SV2C: variants seen among roughly 807,000 people sequenced by gnomAD.
SV2C encodes solute carrier family 22 member B3.
In SV2C, 49 loss-of-function variants were observed where a neutral mutation model predicts 79.7. The ratio of observed to expected loss-of-function variants is 0.61; its 90% CI spans 0.49 to 0.78. SV2C has a LOEUF of 0.78. Among genes scored for constraint, SV2C ranks in the 30% least tolerant of loss-of-function variants. The pLI is 0.00. For synonymous variants in SV2C, 334 were observed against 333.2 expected (o/e 1.00, Z -0.03); for missense variants, 833 against 912.9 (o/e 0.91, Z 1.13).
At chr5:75,880,795 C>T in the SV2C span, among the ~76,000 whole-genome samples, 2 of 152,116 alleles carry the variant, frequency 1.3e-5, no homozygotes, top group African/African-American at 2.4e-5. Flanking sequence ...TATATCAATG[C>T]CCCACTTCTC....
At chr5:75,956,580 G>T in the SV2C span, among the ~76,000 whole-genome samples, 1 of 151,914 alleles carries the variant, frequency 6.6e-6, no homozygotes, top group Non-Finnish European at 1.5e-5. Context: ...ATCATCTCTT[G>T]TAGATGGAGG....
At chr5:76,335,319 C>T (rs531010383), downstream of SV2C, among the ~76,000 whole-genome samples, 1 of 151,834 alleles carries the variant, frequency 6.6e-6, no homozygotes, top group African/African-American at 2.4e-5. Flanking sequence ...CCCAGCCCAT[C>T]GCTCTATATA....
intron 12 of SV2C, among the ~76,000 whole-genome samples, chr5:76,342,886 C>CTCT (rs1187784530): frequency 3.6e-5 from 5 of 138,844 alleles, no homozygotes; most frequent in African/African-American, 1.3e-4. Context: ...CTCTCTCTCT[C>CTCT]TTTTTTTTTT....
intron 4 of SV2C, chr5:76,241,903 A>C: frequency 1.5e-6 from 1 of 656,610 alleles, no homozygotes; most frequent in Non-Finnish European, 2.7e-6. Flanking sequence ...CTAACAACAT[A>C]GCTTTAAAAA....
Position 76,332,330 on chromosome 5 carries a change from G to A in SV2C, c.*6783G>A, listed in dbSNP as rs561827815. The A allele has an allele frequency of 2.0e-5, 3 of 152,306 alleles. No individual in the cohort carries two copies. Among genetic ancestry groups the A allele is most frequent in the African/African-American group, 7.2e-5 (3 of 41,554 alleles). 9.4% of individuals were successfully genotyped at this position (152,306 alleles called of 1,614,324 possible). A position where few individuals can be genotyped will look rare whatever the true frequency, so the allele number is the denominator to read the frequency against. ...CTTTGTGGTGCCTGGGGAGTGACTA[G>A]GCAGCCTGCTCACAGGGGCTGGAGT... On this transcript the variant is annotated 3_prime_UTR_variant, in exon 13 of 13. Coordinates refer to ENST00000502798, the MANE Select transcript of SV2C (RefSeq NM_014979.4).
At chr5:75,887,610 G>C in the SV2C span, among the ~76,000 whole-genome samples, 3 of 152,068 alleles carry the variant, frequency 2.0e-5, no homozygotes, top group African/African-American at 7.2e-5. Flanking sequence ...CAGTAGACTT[G>C]CTGCTTCTTG....
Position 76,298,946 on chromosome 5 carries a change from A to G in SV2C, c.1636+19A>G, listed in dbSNP as rs2112519957. 1.2e-6 allele frequency: 2 copies of G among 1,611,936 alleles called. No homozygotes were observed. The highest frequency in any genetic ancestry group is 4.5e-5 in the East Asian group (2 of 44,874). ...AACACAGGTAGGTGTGCTACTTAGTACTGCCTCTACCTGAGGCCTCTCCAA... is the reference window on the plus strand; with the variant it reads ...AACACAGGTAGGTGTGCTACTTAGTGCTGCCTCTACCTGAGGCCTCTCCAA... On this transcript the variant is annotated intron_variant, in intron 10 of 12. Transcript: ENST00000502798.
chr5:76,291,719 G>A, intron 7 of SV2C, 49 bp from the exon 8 acceptor site: 1 of 1,356,918 alleles, frequency 7.4e-7, no homozygotes, highest in South Asian at 1.2e-5. Flanking sequence ...CGGGGAGTGG[G>A]GTTGACTAAG....
chr5:76,282,072 T>C (rs958299656), intron 4 of SV2C, among the ~76,000 whole-genome samples: 6 of 152,186 alleles, frequency 3.9e-5, no homozygotes, highest in African/African-American at 1.4e-4. Context: ...CTTTGAAAAC[T>C]TACCTTCTGA....
At chr5:76,127,397 T>C (rs2112176042) in intron 1 of SV2C, among the ~76,000 whole-genome samples, 1 of 152,362 alleles carries the variant, frequency 6.6e-6, no homozygotes, top group Middle Eastern at 3.4e-3. Context: ...ATTTTACATA[T>C]TTGTGCAAAA....
intron 4 of SV2C, among the ~76,000 whole-genome samples, chr5:76,258,200 T>C (rs1746353625): frequency 6.6e-6 from 1 of 151,730 alleles, no homozygotes. Context: ...ACCACAAAGG[T>C]CAGAGCTTCC....
intron 4 of SV2C, among the ~76,000 whole-genome samples, chr5:76,251,509 T>G (rs1746116930): frequency 6.6e-6 from 1 of 152,120 alleles, no homozygotes; most frequent in South Asian, 2.1e-4. Context: ...TATGATTGTG[T>G]CATTGCCCTC....
chr5:75,964,697 C>A, the SV2C span, among the ~76,000 whole-genome samples: 14 of 152,202 alleles, frequency 9.2e-5, no homozygotes, highest in Non-Finnish European at 1.9e-4. Context: ...TCTTCCTCCA[C>A]TTTCTGTCTT....
intron 4 of SV2C, among the ~76,000 whole-genome samples, chr5:76,239,082 G>A (rs1437675241): frequency 1.3e-5 from 2 of 148,946 alleles, no homozygotes; most frequent in Non-Finnish European, 2.9e-5. Flanking sequence ...GGAATAAATA[G>A]TCTTCCCCCC....
the SV2C span, among the ~76,000 whole-genome samples, chr5:76,070,769 A>G: frequency 6.6e-6 from 1 of 152,186 alleles, no homozygotes; most frequent in African/African-American, 2.4e-5. Flanking sequence ...CTGAGAAGTG[A>G]TGATCTGGAA....
the SV2C span, among the ~76,000 whole-genome samples, chr5:75,863,935 A>G: frequency 6.6e-6 from 1 of 152,238 alleles, no homozygotes; most frequent in Non-Finnish European, 1.5e-5. Flanking sequence ...ACAAATATAA[A>G]TGTGAGGCAT....
In SV2C at chr5:76,300,518, G is replaced by C. The variant is rs570669740; in HGVS notation, c.1637-211G>C. Reference sequence around the variant, plus strand: ...TAATGTATTCCTTTATTCAGCAAAGGTATCTCATCATTCACCTACTTTATG... The same window carrying C: ...TAATGTATTCCTTTATTCAGCAAAGCTATCTCATCATTCACCTACTTTATG... On this transcript the variant is annotated intron_variant, in intron 10 of 12. Transcript: ENST00000502798. Among the ~76,000 whole-genome samples the C allele has an allele frequency of 9.2e-5, 14 of 152,132 alleles. No individual in the cohort carries two copies. In the South Asian group the frequency reaches 1.5e-3, roughly 16 times the overall value.
chr5:76,301,153 A>G (rs1313085959), intron 11 of SV2C, among the ~76,000 whole-genome samples: 2 of 152,126 alleles, frequency 1.3e-5, no homozygotes, highest in Non-Finnish European at 2.9e-5. Flanking sequence ...TAAAATGTAT[A>G]TTTTCCCACT....
chr5:76,189,123 GATCTTAA>G (rs1744017695), intron 2 of SV2C, among the ~76,000 whole-genome samples: 1 of 152,090 alleles, frequency 6.6e-6, no homozygotes, highest in African/African-American at 2.4e-5. Flanking sequence ...ACTGGCCTGA[GATCTTAA>G]GTATAGTTAG....
Sources: gnomAD v4.1 joint callset for allele counts (sites outside exome capture counted in the v4.1 genomes callset) on GRCh38, gnomAD v4.1.1 for gene constraint, MANE v1.5 for transcripts, NCBI Gene and HGNC (gene_info 2026-07-23, HGNC 2026-07-21) for gene names.